The following WWOX variants were observed in gnomAD, a reference collection of about 807,000 sequenced individuals.
The protein encoded by WWOX is WW domain containing oxidoreductase.
In WWOX, 69 loss-of-function variants were observed where a neutral mutation model predicts 46.2. The observed-to-expected ratio is 1.49, with a 90% CI of 1.23 to 1.82. WWOX has a LOEUF of 1.82. Among genes scored for constraint, WWOX ranks in the 40% most tolerant of loss-of-function variants. The pLI is 0.00. For synonymous variants in WWOX, 359 were observed against 202.6 expected (o/e 1.77, Z -6.56); for missense variants, 919 against 542.6 (o/e 1.69, Z -6.89).
At chr16:78,174,458 C>T (rs949624240) in intron 5 of WWOX, among the ~76,000 whole-genome samples, 17 of 151,892 alleles carry the variant, frequency 1.1e-4, no homozygotes, top group African/African-American at 2.7e-4. Context: ...TTCGGTGGGG[C>T]GCAGCCAAAC....
At chr16:78,510,785 G>T (rs2085342171) in intron 8 of WWOX, among the ~76,000 whole-genome samples, 1 of 152,190 alleles carries the variant, frequency 6.6e-6, no homozygotes, top group Non-Finnish European at 1.5e-5. Context: ...ATTTTGGCAG[G>T]AGTGTTTGTT....
intron 5 of WWOX, among the ~76,000 whole-genome samples, chr16:78,352,958 T>A (rs954977674): frequency 1.3e-5 from 2 of 152,218 alleles, no homozygotes; most frequent in African/African-American, 2.4e-5. Flanking sequence ...AATGATTTTT[T>A]AAAAATATTT....
At chr16:78,991,876 C>T (rs554078759) in intron 8 of WWOX, among the ~76,000 whole-genome samples, 3 of 152,254 alleles carry the variant, frequency 2.0e-5, no homozygotes, top group Admixed American at 6.5e-5. Flanking sequence ...GCCCTGTGGT[C>T]TTGCGATCAC....
chr16:79,180,026 G>A (rs1310558234), intron 8 of WWOX, among the ~76,000 whole-genome samples: 1 of 152,204 alleles, frequency 6.6e-6, no homozygotes, highest in Admixed American at 6.5e-5. Flanking sequence ...ATAGAAGATG[G>A]TTGTTGTCTT....
chr16:79,052,535 A>G (rs367975334), intron 8 of WWOX, among the ~76,000 whole-genome samples: 1 of 152,220 alleles, frequency 6.6e-6, no homozygotes, highest in South Asian at 2.1e-4. Flanking sequence ...ACCAACCCAA[A>G]TGTCCAACAG....
intron 5 of WWOX, among the ~76,000 whole-genome samples, chr16:78,212,224 A>G (rs2036581826): frequency 6.6e-6 from 1 of 152,182 alleles, no homozygotes; most frequent in African/African-American, 2.4e-5. Context: ...ACAGAAGGAA[A>G]GCTCACTCCA....
chr16:79,024,022 A>G (rs191826513), intron 8 of WWOX, among the ~76,000 whole-genome samples: 5 of 152,292 alleles, frequency 3.3e-5, no homozygotes, highest in Admixed American at 3.3e-4. Flanking sequence ...CTAACATGTG[A>G]ATCTGTGTAT....
chr16:78,936,814 A>C (rs1230145794), intron 8 of WWOX, among the ~76,000 whole-genome samples: 1 of 152,154 alleles, frequency 6.6e-6, no homozygotes, highest in Non-Finnish European at 1.5e-5. Context: ...GTATGGTTTT[A>C]ATCCATCGCT....
At chr16:78,896,483 C>G (rs936575152) in intron 8 of WWOX, 6 of 152,200 alleles carry the variant, frequency 3.9e-5, no homozygotes, top group Admixed American at 6.5e-5. Flanking sequence ...TCCCCTACCC[C>G]TTCCGTCAAA....
chr16:79,210,302 C>A (rs2051681696), intron 8 of WWOX, among the ~76,000 whole-genome samples: 3 of 152,180 alleles, frequency 2.0e-5, no homozygotes, highest in South Asian at 4.1e-4. Flanking sequence ...GTAACACCTT[C>A]CTTGGGACCC....
intron 8 of WWOX, among the ~76,000 whole-genome samples, chr16:78,734,400 C>G (rs933378245): frequency 3.3e-5 from 5 of 152,120 alleles, no homozygotes; most frequent in African/African-American, 1.2e-4. Flanking sequence ...CTATGATAGC[C>G]CTAATTGGAA....
chr16:78,595,395 AC>A (rs1184435034), intron 8 of WWOX, among the ~76,000 whole-genome samples: 1 of 112,730 alleles, frequency 8.9e-6, no homozygotes, highest in Non-Finnish European at 2.3e-5. Flanking sequence ...CAGCCACAAG[AC>A]TCCTGCCTCC....
At chr16:78,593,476 T>C (rs1401022296) in intron 8 of WWOX, among the ~76,000 whole-genome samples, 2 of 152,204 alleles carry the variant, frequency 1.3e-5, no homozygotes, top group Non-Finnish European at 2.9e-5. Flanking sequence ...ATCAAAACCA[T>C]TCCTACCAGC....
intron 5 of WWOX, among the ~76,000 whole-genome samples, chr16:78,323,144 G>C (rs1035874492): frequency 3.9e-5 from 6 of 152,070 alleles, no homozygotes; most frequent in Admixed American, 1.3e-4. Context: ...GTCTTGCTCT[G>C]TTGCCCAGGC....
intron 8 of WWOX, among the ~76,000 whole-genome samples, chr16:79,173,329 T>G (rs2050738429): frequency 6.6e-6 from 1 of 152,008 alleles, no homozygotes; most frequent in Admixed American, 6.5e-5. Context: ...GTAAAAACAC[T>G]TTGTATGTTT....
intron 8 of WWOX, among the ~76,000 whole-genome samples, chr16:78,708,273 T>G (rs1160240257): frequency 1.3e-5 from 2 of 152,206 alleles, no homozygotes; most frequent in Non-Finnish European, 2.9e-5. Context: ...ATGTATCCCA[T>G]GCAGTATTTG....
At chr16:79,019,157 CAAAAAAAAAAAAAAAA>C (rs903333994) in intron 8 of WWOX, among the ~76,000 whole-genome samples, 1 of 24,570 alleles carries the variant, frequency 4.1e-5, no homozygotes, top group Admixed American at 9.1e-4. Flanking sequence ...GACCTTGTCT[CAAAAAAAAAAAAAAAA>C]AAAAAAAAAA....
chr16:78,430,704 G>C (rs1247345222), intron 7 of WWOX, among the ~76,000 whole-genome samples: 1 of 152,052 alleles, frequency 6.6e-6, no homozygotes, highest in Non-Finnish European at 1.5e-5. Flanking sequence ...CCAACAATTC[G>C]TTTCAAGGTC....
Position 78,901,739 on chromosome 16 carries a change from A to G in WWOX, c.1057-309869A>G, listed in dbSNP as rs1053356148. On this transcript the variant is annotated intron_variant, in intron 8 of 8. Transcript: ENST00000566780. The stretch of plus-strand genomic sequence containing the variant: ...CCTGTGCTTAAGCGATCCACCTGCC[A>G]TGGTCTCCCAAAGTGCTGGGATTAC... Among the ~76,000 whole-genome samples the G allele has an allele frequency of 6.6e-5, 10 of 152,300 alleles. No individual in the cohort carries two copies. The East Asian group carries it at 1.2e-3, about 18-fold the overall frequency.
Sources: gnomAD v4.1 joint callset for allele counts (sites outside exome capture counted in the v4.1 genomes callset) on GRCh38, gnomAD v4.1.1 for gene constraint, MANE v1.5 for transcripts, NCBI Gene and HGNC (gene_info 2026-07-23, HGNC 2026-07-21) for gene names.